The following OSBPL10 variants were observed in gnomAD, a reference collection of about 807,000 sequenced individuals.
OSBPL10 encodes oxysterol-binding protein-related protein 10.
A neutral mutation model predicts 81.7 loss-of-function variants in OSBPL10; 49 were observed. That is an observed-to-expected ratio of 0.60 (90% CI 0.48 to 0.76). The LOEUF is 0.76. Ranked by LOEUF, OSBPL10 falls within the 30% of genes least tolerant of loss-of-function variation. The pLI is 0.00. For synonymous variants in OSBPL10, 419 were observed against 383.6 expected (o/e 1.09, Z -1.08); for missense variants, 923 against 987.8 (o/e 0.93, Z 0.88).
intron 1 of OSBPL10, among the ~76,000 whole-genome samples, chr3:31,902,352 T>C (rs886260215): frequency 1.4e-5 from 2 of 145,216 alleles, no homozygotes; most frequent in Admixed American, 7.1e-5. Context: ...AACCTCTGCC[T>C]CCCTGGTTCA....
At chr3:31,871,853 C>G (rs1260243404) in intron 3 of OSBPL10, among the ~76,000 whole-genome samples, 1 of 152,002 alleles carries the variant, frequency 6.6e-6, no homozygotes, top group African/African-American at 2.4e-5. Context: ...AGAATGAGAC[C>G]CTGTCTCAAA....
intron 7 of OSBPL10, among the ~76,000 whole-genome samples, chr3:31,687,073 C>A (rs1468541183): frequency 6.6e-6 from 1 of 152,130 alleles, no homozygotes; most frequent in African/African-American, 2.4e-5. Flanking sequence ...GGACAGGCTG[C>A]CACAAATGTC....
intron 4 of OSBPL10, among the ~76,000 whole-genome samples, chr3:31,815,422 T>C (rs1396032826): frequency 1.3e-5 from 2 of 152,212 alleles, no homozygotes; most frequent in African/African-American, 4.8e-5. Flanking sequence ...CAGCCTTTAA[T>C]ATAAAAGTAG....
chr3:31,980,136 C>T (rs1422614162), intron 1 of OSBPL10, among the ~76,000 whole-genome samples: 1 of 151,890 alleles, frequency 6.6e-6, no homozygotes, highest in Non-Finnish European at 1.5e-5. Context: ...TCCGGAGTAG[C>T]TGGAATTACA....
chr3:31,710,392 T>C (rs1696213128), intron 6 of OSBPL10, among the ~76,000 whole-genome samples: 1 of 152,142 alleles, frequency 6.6e-6, no homozygotes, highest in South Asian at 2.1e-4. Flanking sequence ...TGCATCTTCC[T>C]ACTTGTGCTG....
intron 4 of OSBPL10, among the ~76,000 whole-genome samples, chr3:31,761,752 T>C (rs1575527620): frequency 6.9e-6 from 1 of 144,946 alleles, no homozygotes; most frequent in East Asian, 2.0e-4. Context: ...GAGGTGGAGG[T>C]TGCAGTGAGC....
At chr3:31,978,881 A>G (rs1412046170) in intron 1 of OSBPL10, among the ~76,000 whole-genome samples, 2 of 152,182 alleles carry the variant, frequency 1.3e-5, no homozygotes. Flanking sequence ...AAACACCACA[A>G]TGGGTTTAAA....
chr3:31,751,032 G>T (rs888572904), intron 4 of OSBPL10, among the ~76,000 whole-genome samples: 5 of 152,018 alleles, frequency 3.3e-5, no homozygotes, highest in Non-Finnish European at 5.9e-5. Context: ...CAGGCCAGGC[G>T]TGGTGGTTCA....
chr3:31,923,668 TCCTA>T (rs1696984415), intron 1 of OSBPL10, among the ~76,000 whole-genome samples: 1 of 152,154 alleles, frequency 6.6e-6, no homozygotes, highest in Non-Finnish European at 1.5e-5. Flanking sequence ...ACACCTGTAG[TCCTA>T]CCTACTCAGG....
At chr3:31,947,579 C>T (rs986957783) in intron 1 of OSBPL10, among the ~76,000 whole-genome samples, 5 of 152,190 alleles carry the variant, frequency 3.3e-5, no homozygotes, top group South Asian at 2.1e-4. Context: ...TGCGACAGCA[C>T]TGAGAAGGTA....
intron 4 of OSBPL10, among the ~76,000 whole-genome samples, chr3:31,770,944 T>C (rs149785936): frequency 6.6e-6 from 1 of 152,310 alleles, no homozygotes; most frequent in African/African-American, 2.4e-5. Context: ...CAGTTTAGTG[T>C]CTAGGAGTGT....
intron 1 of OSBPL10, among the ~76,000 whole-genome samples, chr3:32,056,952 G>A (rs966881576): frequency 3.3e-5 from 5 of 152,158 alleles, no homozygotes; most frequent in African/African-American, 1.2e-4. Flanking sequence ...TCCAAACCAA[G>A]ATAGTAATGA....
Position 31,928,762 on chromosome 3 carries a change from C to CCA in OSBPL10, c.282-48933_282-48932insTG, listed in dbSNP as rs768296819. 1.4e-4 allele frequency among the ~76,000 whole-genome samples: 13 copies of CCA among 95,096 alleles called. 1 individual carries two copies. Among genetic ancestry groups the CCA allele is most frequent in the East Asian group, 1.2e-3 (4 of 3,378 alleles). The allele number at this position is 95,096 out of a possible 152,430, so 62.4% of individuals were successfully genotyped here. ...TCTGGGCGACAGTGAGACTTGTCTC[C>CCA]AAAAAAAAAAAAAAAAAAAGAATGC... On this transcript the variant is annotated intron_variant, in intron 1 of 11. Coordinates refer to ENST00000396556, the MANE Select transcript of OSBPL10 (RefSeq NM_017784.5).
At chr3:31,937,009 G>A (rs1226165827) in intron 1 of OSBPL10, among the ~76,000 whole-genome samples, 3 of 152,222 alleles carry the variant, frequency 2.0e-5, no homozygotes, top group Non-Finnish European at 4.4e-5. Context: ...GAATGGCTGG[G>A]TGCAGTGGCT....
At chr3:31,981,348 G>A, upstream of OSBPL10, 4 of 1,183,578 alleles carry the variant, frequency 3.4e-6, no homozygotes, top group Non-Finnish European at 4.3e-6. This position sits in a 1 kb window ranked among gnomAD's most constrained non-coding sequence, Gnocchi z 4.5. Flanking sequence ...AAGGAGAGCT[G>A]GGAAGGAAGC....
Position 31,812,082 on chromosome 3 carries a change from C to G in OSBPL10, c.729+17958G>C, listed in dbSNP as rs559106262. Among the ~76,000 whole-genome samples the G allele has an allele frequency of 1.6e-3, 248 of 152,268 alleles. 1 individual carries two copies. Among genetic ancestry groups the G allele is most frequent in the Middle Eastern group, 3.4e-3 (1 of 294 alleles). On this transcript the variant is annotated intron_variant, in intron 4 of 11. Coordinates refer to ENST00000396556, the MANE Select transcript of OSBPL10 (RefSeq NM_017784.5). ...TGCTCTTGTTGCCCAGGCTGGAGTG[C>G]AGTGTCGCGATCTCGGCTCACTGCA... is the stretch of plus-strand genomic sequence containing the variant.
Position 32,000,874 on chromosome 3 carries a change from C to T in OSBPL10, n.298+45617G>A, listed in dbSNP as rs544371483. ...ATGGCCACAACTGAATACTCTAAGACGTGCAGCTTTCCAAACCAGAAAGCT... is the reference window on the plus strand; with the variant it reads ...ATGGCCACAACTGAATACTCTAAGATGTGCAGCTTTCCAAACCAGAAAGCT... On this transcript the variant is annotated intron_variant and non_coding_transcript_variant, in intron 2 of 3. Transcript: ENST00000479173. 8.5e-5 allele frequency among the ~76,000 whole-genome samples: 13 copies of T among 152,278 alleles called. No homozygotes were observed. In the East Asian group the frequency reaches 1.9e-3, roughly 23 times the overall value.
At position 31,851,122 on chromosome 3, in the gene OSBPL10, C is replaced by T. The variant is rs776369387; in HGVS notation, c.538-20891G>A. On this transcript the variant is annotated intron_variant, in intron 3 of 11. Coordinates refer to ENST00000396556, the MANE Select transcript of OSBPL10 (RefSeq NM_017784.5). ...TTTTCTCATTTCAAATGCCAAGGAA[C>T]GCTCTAGTAACATTCTTTTGTATTT... Among the ~76,000 whole-genome samples the T allele has an allele frequency of 4.5e-4, 68 of 152,182 alleles. 1 individual carries two copies. Among genetic ancestry groups the T allele is most frequent in the Admixed American group, 3.5e-3 (53 of 15,278 alleles).
chr3:31,748,155 C>A (rs942600156), intron 4 of OSBPL10, 35 bp from the exon 5 acceptor site: 21 of 1,570,150 alleles, frequency 1.3e-5, no homozygotes, highest in Non-Finnish European at 1.6e-5. Flanking sequence ...AGGTGAGGGG[C>A]GGAAGTTCTT....
Sources: gnomAD v4.1 joint callset for allele counts (sites outside exome capture counted in the v4.1 genomes callset) on GRCh38, gnomAD v4.1.1 for gene constraint, Gnocchi (gnomAD v3.1) non-coding constraint, MANE v1.5 for transcripts, NCBI Gene and HGNC (gene_info 2026-07-23, HGNC 2026-07-21) for gene names.